The following OSBPL10 variants were observed in gnomAD, a reference collection of about 807,000 sequenced individuals.
OSBPL10 encodes the protein oxysterol-binding protein-related protein 10.
OSBPL10 carries 49 observed loss-of-function variants against 81.7 expected under a neutral mutation model. The ratio of observed to expected loss-of-function variants is 0.60; its 90% CI spans 0.48 to 0.76. The LOEUF (loss-of-function observed/expected upper bound fraction) is 0.76, where lower values mean the gene tolerates loss of function less well. Among genes scored for constraint, OSBPL10 ranks in the 30% least tolerant of loss-of-function variants. OSBPL10 has a pLI of 0.00. For synonymous variants in OSBPL10, 419 were observed against 383.6 expected (o/e 1.09, Z -1.08); for missense variants, 923 against 987.8 (o/e 0.93, Z 0.88).
chr3:31,874,644 A>C (rs1296060561), intron 3 of OSBPL10, among the ~76,000 whole-genome samples: 1 of 152,182 alleles, frequency 6.6e-6, no homozygotes, highest in Non-Finnish European at 1.5e-5. Context: ...TTTAGACATG[A>C]AAATAAAAAT....
intron 1 of OSBPL10, among the ~76,000 whole-genome samples, chr3:32,074,879 A>G (rs555340711): frequency 6.6e-6 from 1 of 152,232 alleles, no homozygotes; most frequent in Non-Finnish European, 1.5e-5. Context: ...TCTTCTTTTT[A>G]TGCGGCTCTT....
intron 9 of OSBPL10, among the ~76,000 whole-genome samples, chr3:31,670,250 C>A (rs1285749797): frequency 6.6e-6 from 1 of 152,208 alleles, no homozygotes; most frequent in Non-Finnish European, 1.5e-5. Flanking sequence ...ATCTTGCTTA[C>A]ACAGTAGAGC....
intron 1 of OSBPL10, among the ~76,000 whole-genome samples, chr3:31,952,868 T>C (rs1025078885): frequency 6.6e-6 from 1 of 152,216 alleles, no homozygotes; most frequent in African/African-American, 2.4e-5. Flanking sequence ...AAGGGTCCTA[T>C]ATTCTGGTTC....
chr3:32,039,369 A>G (rs1699550141), intron 2 of OSBPL10, among the ~76,000 whole-genome samples: 3 of 151,310 alleles, frequency 2.0e-5, no homozygotes, highest in Non-Finnish European at 4.4e-5. Flanking sequence ...TTAAAAAAAA[A>G]AAGAGGGCTG....
intron 7 of OSBPL10, among the ~76,000 whole-genome samples, chr3:31,691,555 C>CA (rs112647358): frequency 2.6e-5 from 4 of 152,154 alleles, no homozygotes; most frequent in African/African-American, 7.2e-5. Context: ...TGTCTCTACA[C>CA]AAAAAATGTT....
chr3:31,795,103 A>C, intron 4 of OSBPL10: 1 of 158,254 alleles, frequency 6.3e-6, no homozygotes, highest in South Asian at 1.8e-4. Flanking sequence ...TGAGGGAAAG[A>C]CTCATTACAG....
chr3:31,663,162 C>T (rs1700108212), intron 11 of OSBPL10: 2 of 985,416 alleles, frequency 2.0e-6, no homozygotes, highest in Non-Finnish European at 2.4e-6. Context: ...CAGGGGTTAC[C>T]AGCACCTGGG....
At chr3:31,850,984 G>A (rs1305766794) in intron 3 of OSBPL10, among the ~76,000 whole-genome samples, 3 of 152,214 alleles carry the variant, frequency 2.0e-5, no homozygotes, top group Non-Finnish European at 4.4e-5. Context: ...AAGAAGTAAT[G>A]AGGAAAGCAT....
chr3:31,805,396 T>G (rs1307372828), intron 4 of OSBPL10, among the ~76,000 whole-genome samples: 1 of 152,062 alleles, frequency 6.6e-6, no homozygotes, highest in Non-Finnish European at 1.5e-5. Context: ...TTCCAGAAGC[T>G]CATGGGGCTT....
rs368442961 is a variant in OSBPL10 at position 31,838,436 on chromosome 3, G to A, written c.538-8205C>T. On this transcript the variant is annotated intron_variant, in intron 3 of 11. Coordinates refer to ENST00000396556, the MANE Select transcript of OSBPL10 (RefSeq NM_017784.5). ...TGAAACAGGAGAATGGCGTGAACCCGGGAGGCGGAGCCTGCAGTGAGCCGA... is the reference window on the plus strand; with the variant it reads ...TGAAACAGGAGAATGGCGTGAACCCAGGAGGCGGAGCCTGCAGTGAGCCGA... Among the ~76,000 whole-genome samples, 16 of 148,894 alleles carry A rather than the reference G, an allele frequency of 1.1e-4. No individual in the cohort carries two copies. The East Asian group carries it at 1.4e-3, about 13-fold the overall frequency.
chr3:31,683,608 A>G (rs1247734916), intron 8 of OSBPL10, 26 bp downstream of exon 8: 1 of 1,596,232 alleles, frequency 6.3e-7, no homozygotes, highest in Admixed American at 1.7e-5. Context: ...TGTAAGAGCC[A>G]AACTCCAACA....
At position 31,807,396 on chromosome 3, in the gene OSBPL10, A is replaced by AATAAATAAATAAAT. The variant is rs1553628101; in HGVS notation, c.729+22643_729+22644insATTTATTTATTTAT. ...AGAAAAATAAATAAATAAATAAATA[A>AATAAATAAATAAAT]ATAAATAAGATTCACTCTGCATGCT... On this transcript the variant is annotated intron_variant, in intron 4 of 11. Transcript: ENST00000396556. Among the ~76,000 whole-genome samples, 5 of 150,714 alleles carry AATAAATAAATAAAT rather than the reference A, an allele frequency of 3.3e-5. No homozygotes were observed. The East Asian group carries it at 5.9e-4, about 18-fold the overall frequency.
chr3:31,869,404 CCCG>C (rs1701263763), intron 3 of OSBPL10, among the ~76,000 whole-genome samples: 1 of 152,154 alleles, frequency 6.6e-6, no homozygotes, highest in African/African-American at 2.4e-5. Context: ...AACCCCCCAC[CCCG>C]CCAAAATGCT....
At chr3:31,825,937 T>C (rs1025347285) in intron 4 of OSBPL10, among the ~76,000 whole-genome samples, 2 of 152,216 alleles carry the variant, frequency 1.3e-5, no homozygotes, top group African/African-American at 2.4e-5. Context: ...TATGCATACA[T>C]GTCCATGTAG....
At chr3:32,026,057 T>TAGATAGATAGATGATTGATAGATA (rs58717718) in intron 2 of OSBPL10, among the ~76,000 whole-genome samples, 2 of 111,232 alleles carry the variant, frequency 1.8e-5, no homozygotes, top group African/African-American at 6.9e-5. Flanking sequence ...GATAGATAGA[T>TAGATAGATAGATGATTGATAGATA]GATAGATAGA....
intron 1 of OSBPL10, among the ~76,000 whole-genome samples, chr3:31,935,730 G>C (rs1330954120): frequency 6.6e-6 from 1 of 151,984 alleles, no homozygotes; most frequent in Non-Finnish European, 1.5e-5. Context: ...CACCATGTTG[G>C]TCAGGCTGGT....
At chr3:31,996,511 G>A (rs1056429562) in intron 2 of OSBPL10, among the ~76,000 whole-genome samples, 9 of 152,048 alleles carry the variant, frequency 5.9e-5, no homozygotes, top group African/African-American at 2.2e-4. Context: ...GGGAGAAGGG[G>A]GTTAGTGGAC....
chr3:31,689,106 CT>C (rs1325211812), intron 7 of OSBPL10, among the ~76,000 whole-genome samples: 2 of 151,578 alleles, frequency 1.3e-5, no homozygotes, highest in African/African-American at 4.9e-5. Context: ...TAGTCTGGCT[CT>C]TAACTATGAG....
intron 1 of OSBPL10, among the ~76,000 whole-genome samples, chr3:31,953,920 G>C (rs567574808): frequency 2.0e-5 from 3 of 152,176 alleles, no homozygotes; most frequent in Non-Finnish European, 2.9e-5. Flanking sequence ...ACAGAATGAC[G>C]CCTTTTTCCA....
Sources: gnomAD v4.1 joint callset for allele counts (sites outside exome capture counted in the v4.1 genomes callset) on GRCh38, gnomAD v4.1.1 for gene constraint, MANE v1.5 for transcripts, NCBI Gene and HGNC (gene_info 2026-07-23, HGNC 2026-07-21) for gene names.